Variants in ZNF729 observed in about 807,000 individuals in gnomAD.
ZNF729 encodes the protein zinc finger protein 729.
In ZNF729, 15 loss-of-function variants were observed where a neutral mutation model predicts 12.2. The ratio of observed to expected loss-of-function variants is 1.23; its 90% CI spans 0.82 to 1.89. The LOEUF is 1.89. ZNF729 is among the 40% of genes most tolerant of loss of function. ZNF729 has a pLI of 0.00. For missense variants in ZNF729, 1,540 were observed against 1,456.7 expected (o/e 1.06, Z -0.93); for synonymous variants, 492 against 476.3 (o/e 1.03, Z -0.43).
At chr19:22,290,481 G>A (rs924638849) in intron 1 of ZNF729, among the ~76,000 whole-genome samples, 1 of 152,152 alleles carries the variant, frequency 6.6e-6, no homozygotes, top group Non-Finnish European at 1.5e-5. Context: ...AGGCAGACAA[G>A]GGCCTTGTTT....
intron 2 of ZNF729, 39 bp from the exon 3 acceptor site, chr19:22,304,649 T>C: frequency 6.5e-7 from 1 of 1,540,984 alleles, no homozygotes; most frequent in Non-Finnish European, 8.8e-7. Context: ...ATTTGGGTAA[T>C]ATGACCAATA....
chr19:22,313,260 C>T (rs1968473364), intron 3 of ZNF729, among the ~76,000 whole-genome samples: 2 of 152,064 alleles, frequency 1.3e-5, no homozygotes, highest in Non-Finnish European at 2.9e-5. Flanking sequence ...CCATTTTGAC[C>T]AGGCTGGTCT....
chr19:22,304,617 C>T (rs1228481773), intron 2 of ZNF729, 71 bp from the exon 3 acceptor site: 2 of 1,267,582 alleles, frequency 1.6e-6, no homozygotes, highest in Non-Finnish European at 2.2e-6. Flanking sequence ...TATTCTATTA[C>T]ATTCTCTTTA....
rs1207707318 is a variant in ZNF729, at chr19:22,303,368, T to G, written c.31-390T>G. 4.6e-5 allele frequency among the ~76,000 whole-genome samples: 7 copies of G among 152,296 alleles called. No homozygotes were observed. In the East Asian group the frequency reaches 1.4e-3, roughly 29 times the overall value. The stretch of plus-strand genomic sequence containing the variant: ...TAAATATGCATAACAAGATCTCCAG[T>G]TAATTGTACACATTAAAATTTGAGA... On this transcript the variant is annotated intron_variant, in intron 1 of 3. Transcript: ENST00000601693.
At chr19:22,300,494 G>A (rs918702963) in intron 1 of ZNF729, among the ~76,000 whole-genome samples, 17 of 152,210 alleles carry the variant, frequency 1.1e-4, no homozygotes, top group Admixed American at 9.2e-4. Flanking sequence ...TAAATATAAG[G>A]TGCCACCCAA....
intron 1 of ZNF729, among the ~76,000 whole-genome samples, chr19:22,290,106 T>C (rs1568569966): frequency 6.6e-6 from 1 of 152,204 alleles, no homozygotes; most frequent in East Asian, 1.9e-4. Flanking sequence ...GCCTAGTGAC[T>C]CTAAGCTAAG....
intron 3 of ZNF729, among the ~76,000 whole-genome samples, chr19:22,307,205 CTA>C (rs1184124933): frequency 2.6e-5 from 4 of 151,416 alleles, no homozygotes; most frequent in African/African-American, 7.3e-5. Context: ...CAGAGTCTCA[CTA>C]TGTTTTTGTG....
intron 3 of ZNF729, 141 bp from the exon 4 acceptor site, chr19:22,313,530 A>T: frequency 1.4e-6 from 1 of 698,182 alleles, no homozygotes; most frequent in Non-Finnish European, 2.1e-6. Context: ...TGTTACATTT[A>T]TATGTCTATG....
chr19:22,312,781 T>C lies in ZNF729; in HGVS notation c.254-890T>C, dbSNP rs145781606. ...CAGGCTGGAGTGCGATGGCATGATC[T>C]CGGCTCACCTCAACCTCCGCCTCCC... is the stretch of plus-strand genomic sequence containing the variant. On this transcript the variant is annotated intron_variant, in intron 3 of 3. Transcript: ENST00000601693. 1.5e-3 allele frequency among the ~76,000 whole-genome samples: 221 copies of C among 152,298 alleles called. 1 individual carries two copies. The highest frequency in any genetic ancestry group is 5.1e-3 in the African/African-American group (211 of 41,576).
At chr19:22,294,495 C>T (rs897121753) in intron 1 of ZNF729, among the ~76,000 whole-genome samples, 11 of 151,948 alleles carry the variant, frequency 7.2e-5, no homozygotes, top group African/African-American at 2.2e-4. Context: ...TTCTATAGTT[C>T]TGTTAAGAAT....
In ZNF729 at chr19:22,294,709, T is replaced by G. The variant is rs531150056; in HGVS notation, c.30+8154T>G. On this transcript the variant is annotated intron_variant, in intron 1 of 3. Transcript: ENST00000601693. ...TCTCACTCTGTCACCCAGGATGGAG[T>G]GCAATGGCACAGTCTTAGCTCACCA... 2.8e-3 allele frequency among the ~76,000 whole-genome samples: 400 copies of G among 144,708 alleles called. 2 individuals carry two copies. The highest frequency in any genetic ancestry group is 9.9e-3 in the African/African-American group (382 of 38,720). 94.9% of individuals were successfully genotyped at this position (144,708 alleles called of 152,430 possible).
chr19:22,287,590 A>AT (rs1478579651), intron 1 of ZNF729, among the ~76,000 whole-genome samples: 2 of 151,678 alleles, frequency 1.3e-5, no homozygotes, highest in Non-Finnish European at 2.9e-5. Flanking sequence ...TAAAAAGTAG[A>AT]TATCAGGGAC....
intron 1 of ZNF729, among the ~76,000 whole-genome samples, chr19:22,292,924 T>G (rs1354215462): frequency 6.6e-6 from 1 of 152,210 alleles, no homozygotes; most frequent in Non-Finnish European, 1.5e-5. Context: ...ATTCTCTTTT[T>G]AGTTCTGTGA....
rs772803733 is a variant in ZNF729 at position 22,314,807 on chromosome 19, G to C, written c.1390G>C (p.Glu464Gln). 6.2e-7 allele frequency: 1 copy of C among 1,613,750 alleles called. No homozygotes were observed. Among genetic ancestry groups the C allele is most frequent in the East Asian group, 2.2e-5 (1 of 44,834 alleles). Reference protein sequence around the residue: ...HTGEKPYKCEECGKAFRQSSH... With the variant: ...HTGEKPYKCEQCGKAFRQSSH... Reference sequence around the variant, plus strand: ...TGGGGAGAAACCATACAAATGTGAAGAATGTGGCAAAGCTTTTAGGCAATC... The same window carrying C: ...TGGGGAGAAACCATACAAATGTGAACAATGTGGCAAAGCTTTTAGGCAATC... Residue 464 changes from glutamate (E) to glutamine (Q), a missense_variant, in exon 4 of 4, where the codon GAA becomes CAA. Coordinates refer to ENST00000601693, the MANE Select transcript of ZNF729 (RefSeq NM_001242680.2).
At chr19:22,304,205 A>T (rs190823937) in intron 2 of ZNF729, among the ~76,000 whole-genome samples, 1 of 151,772 alleles carries the variant, frequency 6.6e-6, no homozygotes, top group Non-Finnish European at 1.5e-5. Flanking sequence ...CACCCGGCTA[A>T]TTTTTTTGTA....
intron 1 of ZNF729, among the ~76,000 whole-genome samples, chr19:22,293,964 ATTTAG>A (rs1968189834): frequency 6.6e-6 from 1 of 152,160 alleles, no homozygotes; most frequent in Non-Finnish European, 1.5e-5. Flanking sequence ...TGAAGAAGAT[ATTTAG>A]TTTAATTAGG....
rs902765559 is a variant in ZNF729 at position 22,286,458 on chromosome 19, C to T, written c.-68C>T. ...TTGCAGCCGCAGTTCCCGGTCTCGC[C>T]TTCACTGCTGTGTGTCCTCAGCCTC... On this transcript the variant is annotated 5_prime_UTR_variant, in exon 1 of 4. Transcript: ENST00000601693. 18 of 1,601,982 alleles carry T rather than the reference C, an allele frequency of 1.1e-5. No homozygotes were observed. The African/African-American group carries it at 1.7e-4, about 16-fold the overall frequency.
intron 3 of ZNF729, among the ~76,000 whole-genome samples, chr19:22,311,666 C>T (rs1317969546): frequency 1.3e-5 from 2 of 152,082 alleles, no homozygotes; most frequent in African/African-American, 2.4e-5. Context: ...GTGTATTCTG[C>T]AGTTGTTGGA....
intron 3 of ZNF729, among the ~76,000 whole-genome samples, chr19:22,307,310 T>C (rs1427785757): frequency 7.3e-6 from 1 of 136,930 alleles, no homozygotes; most frequent in Non-Finnish European, 1.5e-5. Context: ...GTGTCCACAA[T>C]GTAGCATTTT....
Sources: allele counts gnomAD v4.1 joint callset (sites outside exome capture counted in the v4.1 genomes callset), GRCh38; gene constraint gnomAD v4.1.1; transcripts MANE v1.5; gene names NCBI Gene and HGNC (gene_info 2026-07-23, HGNC 2026-07-21).